NELL2: variants seen among roughly 807,000 people sequenced by gnomAD.
NELL2 encodes protein kinase C-binding protein NELL2.
NELL2 carries 41 observed loss-of-function variants against 109.6 expected under a neutral mutation model. That is an observed-to-expected ratio of 0.37 (90% CI 0.29 to 0.49). The LOEUF (loss-of-function observed/expected upper bound fraction) is 0.49. NELL2 is among the 20% of genes least tolerant of loss of function. NELL2 has a pLI of 0.98. For missense variants in NELL2, 900 were observed against 1,008.3 expected, an observed-to-expected ratio of 0.89 and a Z score of 1.45; for synonymous variants, 355 against 344.7, an observed-to-expected ratio of 1.03 and a Z score of -0.33.
chr12:44,646,489 A>C (rs1459223997), intron 13 of NELL2, among the ~76,000 whole-genome samples: 1 of 152,230 alleles, frequency 6.6e-6, no homozygotes, highest in Non-Finnish European at 1.5e-5. Flanking sequence ...GATAAAGTTT[A>C]ATGTCCAAAT....
At chr12:44,572,880 A>G (rs1484783693) in intron 15 of NELL2, among the ~76,000 whole-genome samples, 1 of 152,206 alleles carries the variant, frequency 6.6e-6, no homozygotes, top group Non-Finnish European at 1.5e-5. Context: ...ATACTGCCAG[A>G]TTTGTCAAGA....
intron 9 of NELL2, among the ~76,000 whole-genome samples, chr12:44,755,400 A>C (rs1940843539): frequency 6.6e-6 from 1 of 151,200 alleles, no homozygotes; most frequent in Non-Finnish European, 1.5e-5. Context: ...ATTCATAGAC[A>C]CTCCCCTTCA....
At chr12:44,903,976 T>C (rs1017656447) in intron 1 of NELL2, among the ~76,000 whole-genome samples, 1 of 152,018 alleles carries the variant, frequency 6.6e-6, no homozygotes, top group African/African-American at 2.4e-5. Context: ...CCAGGGCACA[T>C]GTATACCTAT....
At position 44,516,085 on chromosome 12, in the gene NELL2, C is replaced by T. The variant is rs112297933; in HGVS notation, c.2400+3920G>A. On this transcript the variant is annotated intron_variant, in intron 19 of 19. Transcript: ENST00000429094. ...TGCACAACGTGCATAATATTTTTAT[C>T]TTAATTTTTATTATAAGCATTGTGA... is the stretch of plus-strand genomic sequence containing the variant. 6.1e-3 allele frequency among the ~76,000 whole-genome samples: 923 copies of T among 151,620 alleles called. 8 individuals are homozygous for T. Among genetic ancestry groups the T allele is most frequent in the Non-Finnish European group, 0.011 (713 of 67,800 alleles).
chr12:44,666,647 T>C (rs1947934892), intron 12 of NELL2, among the ~76,000 whole-genome samples: 1 of 152,224 alleles, frequency 6.6e-6, no homozygotes, highest in Non-Finnish European at 1.5e-5. Context: ...ATTTTAGAAC[T>C]GTAGGGTTCT....
At chr12:44,583,328 A>G (rs1173921937) in intron 15 of NELL2, among the ~76,000 whole-genome samples, 2 of 152,158 alleles carry the variant, frequency 1.3e-5, no homozygotes, top group African/African-American at 4.8e-5. Context: ...ACATTAGTCT[A>G]TTTTATTTTC....
intron 16 of NELL2, among the ~76,000 whole-genome samples, chr12:44,526,383 A>G (rs1435094745): frequency 6.6e-6 from 1 of 152,230 alleles, no homozygotes; most frequent in Non-Finnish European, 1.5e-5. Flanking sequence ...CCTCGAAGAT[A>G]TAATTAAATT....
chr12:44,917,766 G>T (rs1246061972), upstream of NELL2, among the ~76,000 whole-genome samples: 3 of 152,204 alleles, frequency 2.0e-5, no homozygotes, highest in Non-Finnish European at 2.9e-5. Flanking sequence ...AATCAAGAGA[G>T]ACTGTCCTGT....
chr12:44,664,971 A>G (rs1460172811), intron 13 of NELL2, among the ~76,000 whole-genome samples: 2 of 152,132 alleles, frequency 1.3e-5, no homozygotes, highest in Non-Finnish European at 1.5e-5. Flanking sequence ...ACTTTAGATG[A>G]TACTAAAAGA....
intron 2 of NELL2, among the ~76,000 whole-genome samples, chr12:44,826,313 A>T (rs1436803095): frequency 6.6e-6 from 1 of 152,204 alleles, no homozygotes; most frequent in Non-Finnish European, 1.5e-5. Context: ...TGGTTGACTT[A>T]AAATATTTCA....
chr12:44,588,116 CGAG>C (rs1360918478), intron 15 of NELL2, among the ~76,000 whole-genome samples: 1 of 150,352 alleles, frequency 6.7e-6, no homozygotes, highest in African/African-American at 2.5e-5. Context: ...TGCAGTGAGC[CGAG>C]ATCATCGTGC....
intron 15 of NELL2, among the ~76,000 whole-genome samples, chr12:44,573,323 T>C (rs1943942751): frequency 6.6e-6 from 1 of 151,730 alleles, no homozygotes; most frequent in African/African-American, 2.4e-5. Context: ...GTGAGTAAAA[T>C]AGAAGGAAAA....
At chr12:44,680,977 T>A (rs1022177094) in intron 12 of NELL2, among the ~76,000 whole-genome samples, 9 of 152,154 alleles carry the variant, frequency 5.9e-5, no homozygotes, top group African/African-American at 2.2e-4. Flanking sequence ...CAGCACTATT[T>A]AATCAAAGCT....
At chr12:44,681,690 A>G (rs936108948) in intron 12 of NELL2, among the ~76,000 whole-genome samples, 1 of 152,000 alleles carries the variant, frequency 6.6e-6, no homozygotes. Flanking sequence ...TTCTTGCGAT[A>G]GTTTACTGAG....
chr12:44,588,592 G>A (rs137891591), intron 15 of NELL2, among the ~76,000 whole-genome samples: 8 of 152,258 alleles, frequency 5.3e-5, no homozygotes, highest in African/African-American at 1.7e-4. Flanking sequence ...TATGTTTCCT[G>A]GCATTAGGCA....
At chr12:44,519,913 AC>A (rs1281180434) in intron 19 of NELL2, 91 bp downstream of exon 19, 1 of 1,116,516 alleles carries the variant, frequency 9.0e-7, no homozygotes, top group Middle Eastern at 2.8e-4. Context: ...AAAAAAAAAA[AC>A]CTTCCTATTG....
At chr12:44,894,639 T>C (rs575488301) in intron 1 of NELL2, among the ~76,000 whole-genome samples, 7 of 152,324 alleles carry the variant, frequency 4.6e-5, no homozygotes, top group Admixed American at 3.3e-4. Context: ...CTCAATGATA[T>C]GTCTCACAGA....
chr12:44,903,723 T>C (rs1204882265), intron 1 of NELL2, among the ~76,000 whole-genome samples: 1 of 151,864 alleles, frequency 6.6e-6, no homozygotes, highest in Non-Finnish European at 1.5e-5. Flanking sequence ...AAAGAACGAG[T>C]TCATGTCCTT....
intron 15 of NELL2, among the ~76,000 whole-genome samples, chr12:44,601,522 G>C (rs1232103543): frequency 6.6e-6 from 1 of 152,062 alleles, no homozygotes; most frequent in East Asian, 1.9e-4. Flanking sequence ...CTTAAAACTG[G>C]TTTATGAATG....
Sources: gnomAD v4.1 joint callset for allele counts (sites outside exome capture counted in the v4.1 genomes callset) on GRCh38, gnomAD v4.1.1 for gene constraint, MANE v1.5 for transcripts, NCBI Gene and HGNC (gene_info 2026-07-23, HGNC 2026-07-21) for gene names.